C19orf47: variants seen among roughly 807,000 people sequenced by gnomAD.
The protein encoded by C19orf47 is chromosome 19 open reading frame 47.
In C19orf47, 18 loss-of-function variants were observed where a neutral mutation model predicts 32.3. That is an observed-to-expected ratio of 0.56 (90% CI 0.39 to 0.83). The LOEUF (loss-of-function observed/expected upper bound fraction) is 0.83. Ranked by LOEUF, C19orf47 falls within the 40% of genes least tolerant of loss-of-function variation. The probability of loss-of-function intolerance (pLI) is 0.00; values close to 1 mark genes in which losing one functional copy is unlikely to be tolerated. For synonymous variants in C19orf47, 202 were observed against 211.1 expected (o/e 0.96, Z 0.37); for missense variants, 484 against 531.6 (o/e 0.91, Z 0.88).
At chr19:40,304,223 TAGG>T in the C19orf47 span, among the ~76,000 whole-genome samples, 36 of 152,318 alleles carry the variant, frequency 2.4e-4, no homozygotes, top group Middle Eastern at 3.4e-3. Flanking sequence ...AAGTTTCAGA[TAGG>T]AGAAATGAAG....
At chr19:40,326,512 G>A (rs777548410) in intron 6 of C19orf47, 26 bp from the exon 7 acceptor site, 4 of 1,607,722 alleles carry the variant, frequency 2.5e-6, no homozygotes, top group Non-Finnish European at 3.4e-6. Context: ...AGGGGTATCA[G>A]CACTCTCTGA....
At chr19:40,328,311 GC>G in intron 6 of C19orf47, 101 bp downstream of exon 6, 1 of 1,498,500 alleles carries the variant, frequency 6.7e-7, no homozygotes, top group East Asian at 2.4e-5. Context: ...ATACCTTGTG[GC>G]CTTCAAAGCA....
intron 2 of C19orf47, among the ~76,000 whole-genome samples, chr19:40,339,838 G>A (rs1485808738): frequency 5.3e-5 from 8 of 151,986 alleles, no homozygotes; most frequent in Non-Finnish European, 1.2e-4. Context: ...AGGCATGGTG[G>A]TGCATGCCTG....
intron 4 of C19orf47, among the ~76,000 whole-genome samples, chr19:40,335,233 A>G (rs1471996799): frequency 6.6e-6 from 1 of 152,190 alleles, no homozygotes; most frequent in Non-Finnish European, 1.5e-5. Flanking sequence ...TGAGAAGCCC[A>G]TTTCAAAGAG....
chr19:40,313,943 G>A, the C19orf47 span, among the ~76,000 whole-genome samples: 1 of 151,214 alleles, frequency 6.6e-6, no homozygotes, highest in African/African-American at 2.4e-5. Context: ...AAAAAAAAAA[G>A]GTATAGAAAA....
intron 1 of C19orf47, among the ~76,000 whole-genome samples, chr19:40,345,536 TAAAAAAAAAAA>T (rs55954294): frequency 9.0e-6 from 1 of 110,848 alleles, no homozygotes; most frequent in Non-Finnish European, 1.8e-5. Flanking sequence ...CTGTCACTGT[TAAAAAAAAAAA>T]AAAAAAAAAA....
At chr19:40,346,832 C>G (rs942833114) in intron 1 of C19orf47, among the ~76,000 whole-genome samples, 2 of 152,008 alleles carry the variant, frequency 1.3e-5, no homozygotes, top group Non-Finnish European at 2.9e-5. Flanking sequence ...AGCCAAGGAC[C>G]CATTCTTAAA....
intron 5 of C19orf47, among the ~76,000 whole-genome samples, chr19:40,329,151 C>T (rs540564882): frequency 6.6e-6 from 1 of 152,016 alleles, no homozygotes; most frequent in Non-Finnish European, 1.5e-5. Flanking sequence ...GGTAAACTCA[C>T]TCACAAGAAC....
At chr19:40,325,482 G>C (rs2077810466) in intron 7 of C19orf47, among the ~76,000 whole-genome samples, 1 of 151,804 alleles carries the variant, frequency 6.6e-6, no homozygotes, top group Non-Finnish European at 1.5e-5. Context: ...ACAAAAATTA[G>C]GTGGGCATGG....
chr19:40,336,354 C>T lies in C19orf47; in HGVS notation c.73G>A (p.Ala25Thr). Residue 25 changes from alanine (A) to threonine (T), a missense_variant, in exon 3 of 9, where the codon GCC (alanine) becomes ACC (threonine). Physicochemically the swap from Ala to Thr is moderately conservative, Grantham distance 58. Transcript: ENST00000683109. ...ACAAACATCACGGCATAATTGACGGCAGGTCCTGGAGGAATGCCGGCTTCC... is the reference window on the plus strand; with the variant it reads ...ACAAACATCACGGCATAATTGACGGTAGGTCCTGGAGGAATGCCGGCTTCC... ...FKEAGIPPGP[A>T]VNYAVMFVDN... The T allele has an allele frequency of 6.2e-7, 1 of 1,614,202 alleles. No individual in the cohort carries two copies. Among genetic ancestry groups the T allele is most frequent in the Non-Finnish European group, 8.5e-7 (1 of 1,180,036 alleles).
downstream of C19orf47, among the ~76,000 whole-genome samples, chr19:40,316,102 T>C (rs1426002186): frequency 6.6e-6 from 1 of 152,140 alleles, no homozygotes; most frequent in Non-Finnish European, 1.5e-5. Flanking sequence ...GTTGGGTCTA[T>C]AGTTGCAGCA....
At chr19:40,299,202 A>AT in the C19orf47 span, among the ~76,000 whole-genome samples, 12 of 152,214 alleles carry the variant, frequency 7.9e-5, no homozygotes, top group East Asian at 2.1e-3. Context: ...TAATATATAT[A>AT]TTTTTACAAC....
intron 2 of C19orf47, among the ~76,000 whole-genome samples, chr19:40,336,626 G>A (rs1188668165): frequency 1.3e-5 from 2 of 152,118 alleles, no homozygotes; most frequent in Non-Finnish European, 2.9e-5. Flanking sequence ...AATGAGATAG[G>A]GAAAGGTTGG....
intron 2 of C19orf47, among the ~76,000 whole-genome samples, chr19:40,337,939 A>C (rs1433625562): frequency 6.6e-6 from 1 of 152,230 alleles, no homozygotes; most frequent in Admixed American, 6.5e-5. Flanking sequence ...CCCACTGACC[A>C]GAAGCAGGCA....
the C19orf47 span, among the ~76,000 whole-genome samples, chr19:40,313,434 C>T: frequency 6.6e-6 from 1 of 152,138 alleles, no homozygotes; most frequent in Non-Finnish European, 1.5e-5. Context: ...AAGTGATCCT[C>T]CTGCCTCAGC....
At chr19:40,303,665 G>A in the C19orf47 span, among the ~76,000 whole-genome samples, 6 of 150,560 alleles carry the variant, frequency 4.0e-5, no homozygotes, top group East Asian at 3.9e-4. Context: ...TTAGCCGGGC[G>A]TGGTGGCATG....
At chr19:40,325,558 G>A (rs111959488) in intron 7 of C19orf47, among the ~76,000 whole-genome samples, 8 of 152,270 alleles carry the variant, frequency 5.3e-5, no homozygotes, top group Admixed American at 3.9e-4. Context: ...CTGGGAGGTC[G>A]AGGAGACTGC....
the C19orf47 span, among the ~76,000 whole-genome samples, chr19:40,314,069 T>G: frequency 6.6e-6 from 1 of 152,132 alleles, no homozygotes; most frequent in African/African-American, 2.4e-5. Flanking sequence ...GCTCCAGGAC[T>G]GGGGCAGGAA....
chr19:40,295,646 G>A, the C19orf47 span, among the ~76,000 whole-genome samples: 1 of 151,126 alleles, frequency 6.6e-6, no homozygotes, highest in East Asian at 2.0e-4. Flanking sequence ...ATGTTGGTCA[G>A]GCTGGTCTCA....
Sources: allele counts gnomAD v4.1 joint callset (sites outside exome capture counted in the v4.1 genomes callset), GRCh38; gene constraint gnomAD v4.1.1; transcripts MANE v1.5; gene names NCBI Gene and HGNC (gene_info 2026-07-23, HGNC 2026-07-21).